Variants in ADAM2 observed in about 807,000 individuals in gnomAD.
The protein encoded by ADAM2 is ADAM metallopeptidase domain 2.
In ADAM2, 101 loss-of-function variants were observed where a neutral mutation model predicts 99.3. That is an observed-to-expected ratio of 1.02 (90% CI 0.87 to 1.20). The LOEUF (loss-of-function observed/expected upper bound fraction) is 1.20, where lower values mean the gene tolerates loss of function less well. Among genes scored for constraint, ADAM2 ranks in the 50% most tolerant of loss-of-function variants. The pLI, the probability that ADAM2 is intolerant of heterozygous loss-of-function variation, is 0.00. For missense variants in ADAM2, 948 were observed against 878.7 expected, an observed-to-expected ratio of 1.08 and a Z score of -1.00; for synonymous variants, 323 against 287.6, an observed-to-expected ratio of 1.12 and a Z score of -1.25.
At chr8:39,780,112 G>A (rs772949675) in intron 10 of ADAM2, among the ~76,000 whole-genome samples, 5 of 152,216 alleles carry the variant, frequency 3.3e-5, no homozygotes, top group Non-Finnish European at 7.4e-5. Flanking sequence ...TAGTGGAAGA[G>A]GAAGGAAGAG....
chr8:39,789,266 G>T (rs1803602139), intron 7 of ADAM2, among the ~76,000 whole-genome samples: 1 of 151,416 alleles, frequency 6.6e-6, no homozygotes, highest in Non-Finnish European at 1.5e-5. Context: ...GGGAGAAATA[G>T]AAAATTTAAC....
chr8:39,790,567 A>C (rs1164154568), intron 7 of ADAM2, among the ~76,000 whole-genome samples: 2 of 151,958 alleles, frequency 1.3e-5, no homozygotes, highest in Non-Finnish European at 2.9e-5. Flanking sequence ...AATGGATGCA[A>C]AGTCTTTTTA....
chr8:39,765,969 T>G (rs1802551758), intron 14 of ADAM2, among the ~76,000 whole-genome samples: 1 of 152,224 alleles, frequency 6.6e-6, no homozygotes, highest in African/African-American at 2.4e-5. Flanking sequence ...GATGAAATAC[T>G]GTTGGCATTG....
intron 15 of ADAM2, among the ~76,000 whole-genome samples, chr8:39,757,099 C>A (rs1246564600): frequency 6.6e-6 from 1 of 152,114 alleles, no homozygotes; most frequent in African/African-American, 2.4e-5. Context: ...TAATTTACAG[C>A]AAAGGTCTAT....
At chr8:39,752,877 A>T (rs1802001063) in intron 16 of ADAM2, among the ~76,000 whole-genome samples, 1 of 152,130 alleles carries the variant, frequency 6.6e-6, no homozygotes, top group Admixed American at 6.5e-5. Flanking sequence ...CATGATTGTG[A>T]GGCCTCCCCA....
In ADAM2 at chr8:39,838,155, G is replaced by A; in HGVS notation, c.31C>T (p.Leu11Phe). ...CTACTGTCCATCCGCAGCCCGCCGA[G>A]CCCGCTGAGCAGAAACAAGACGCGC... MWRVLFLLSG[L>F]GGLRMDSNFD... The change falls in exon 1 of 21, where the codon CTC (leucine) becomes TTC (phenylalanine). Residue 11 changes from leucine to phenylalanine, a missense_variant. By Grantham distance (22) the Leu-to-Phe change is conservative (BLOSUM62 0). Coordinates refer to ENST00000265708, the MANE Select transcript of ADAM2 (RefSeq NM_001464.5). 6.2e-7 allele frequency: 1 copy of A among 1,614,164 alleles called. No homozygotes were observed. The highest frequency in any genetic ancestry group is 8.5e-7 in the Non-Finnish European group (1 of 1,180,024).
At chr8:39,830,596 G>T (rs1472252928) in intron 3 of ADAM2, among the ~76,000 whole-genome samples, 1 of 152,182 alleles carries the variant, frequency 6.6e-6, no homozygotes, top group Non-Finnish European at 1.5e-5. Flanking sequence ...GCTGTGGAAA[G>T]TAAGATGGAT....
chr8:39,799,910 C>T (rs1370345118), intron 7 of ADAM2, among the ~76,000 whole-genome samples: 1 of 152,162 alleles, frequency 6.6e-6, no homozygotes, highest in Non-Finnish European at 1.5e-5. Context: ...TTATTTTGAG[C>T]CTGTGTGTCT....
At chr8:39,757,652 A>C (rs1802200918) in intron 15 of ADAM2, among the ~76,000 whole-genome samples, 1 of 152,116 alleles carries the variant, frequency 6.6e-6, no homozygotes, top group Non-Finnish European at 1.5e-5. Context: ...AGGCATAACG[A>C]AATGAACAAT....
At chr8:39,822,295 T>C (rs1408482454) in intron 4 of ADAM2, among the ~76,000 whole-genome samples, 1 of 152,188 alleles carries the variant, frequency 6.6e-6, no homozygotes. Flanking sequence ...TGGTTTATAA[T>C]ATCCAGATTG....
chr8:39,811,238 G>A (rs1403939551), intron 6 of ADAM2, among the ~76,000 whole-genome samples: 1 of 152,172 alleles, frequency 6.6e-6, no homozygotes, highest in African/African-American at 2.4e-5. Flanking sequence ...ACTAAACCAA[G>A]AAGAAGTTGA....
At chr8:39,817,291 C>T (rs751303642) in intron 6 of ADAM2, among the ~76,000 whole-genome samples, 17 of 151,966 alleles carry the variant, frequency 1.1e-4, no homozygotes, top group Non-Finnish European at 2.4e-4. Flanking sequence ...AAGTTGAGCT[C>T]ATAGAAGTAG....
chr8:39,764,589 C>T, intron 14 of ADAM2, among the ~76,000 whole-genome samples: 1 of 152,208 alleles, frequency 6.6e-6, no homozygotes, highest in East Asian at 1.9e-4. Context: ...TGAGCATTGC[C>T]TTTTGTCTCC....
At chr8:39,772,636 T>C (rs1756809486) in intron 11 of ADAM2, among the ~76,000 whole-genome samples, 1 of 152,026 alleles carries the variant, frequency 6.6e-6, no homozygotes. Context: ...AAAATCTAAA[T>C]ACAGACTTAA....
At chr8:39,749,586 C>CATGT (rs112217136) in intron 17 of ADAM2, 81 bp downstream of exon 17, 600,704 of 1,206,940 alleles carry the variant, frequency 0.5, 106,433 homozygotes, top group East Asian at 0.63. Flanking sequence ...TGTGTGTGTG[C>CATGT]GTGTGTGTGT....
intron 3 of ADAM2, among the ~76,000 whole-genome samples, chr8:39,829,022 G>A (rs531912811): frequency 6.6e-6 from 1 of 151,880 alleles, no homozygotes; most frequent in South Asian, 2.1e-4. Flanking sequence ...CAGAAGACAT[G>A]TACAGAAAGA....
chr8:39,800,512 A>AT (rs1804160017), intron 7 of ADAM2, among the ~76,000 whole-genome samples: 1 of 151,492 alleles, frequency 6.6e-6, no homozygotes, highest in Non-Finnish European at 1.5e-5. Flanking sequence ...CTTGGAGTTG[A>AT]TTTTCTCATG....
chr8:39,822,558 C>G (rs1408273702), intron 4 of ADAM2, among the ~76,000 whole-genome samples: 3 of 151,880 alleles, frequency 2.0e-5, no homozygotes. Flanking sequence ...TACATTTGCA[C>G]TTGAAAAGTA....
intron 7 of ADAM2, among the ~76,000 whole-genome samples, chr8:39,808,714 G>A (rs566421053): frequency 2.0e-4 from 31 of 152,168 alleles, no homozygotes; most frequent in African/African-American, 5.5e-4. Flanking sequence ...TAAAGAGATC[G>A]AGACCATCCT....
Sources: allele counts gnomAD v4.1 joint callset (sites outside exome capture counted in the v4.1 genomes callset), GRCh38; gene constraint gnomAD v4.1.1; transcripts MANE v1.5; gene names NCBI Gene and HGNC (gene_info 2026-07-23, HGNC 2026-07-21).